The following FRMPD4 variants were observed in gnomAD, a reference collection of about 807,000 sequenced individuals.
FRMPD4 encodes FERM and PDZ domain-containing protein 4.
FRMPD4 carries 22 observed loss-of-function variants against 94.1 expected under a neutral mutation model. The observed-to-expected ratio is 0.23, with a 90% CI of 0.17 to 0.33. The LOEUF is 0.33. FRMPD4 is among the 10% of genes least tolerant of loss of function. The pLI is 1.00. For synonymous variants in FRMPD4, 631 were observed against 548.6 expected (o/e 1.15, Z -2.10); for missense variants, 1,111 against 1,339.9 (o/e 0.83, Z 2.67).
chrX:12,187,910 A>G (rs1409947419), intron 1 of FRMPD4, among the ~76,000 whole-genome samples: 4 of 112,010 alleles, frequency 3.6e-5, no homozygotes, highest in African/African-American at 1.3e-4. Context: ...CAGACTGCAA[A>G]CAGGCAAATG....
chrX:12,679,161 T>G (rs148192035), intron 5 of FRMPD4, among the ~76,000 whole-genome samples: 1,868 of 111,825 alleles, frequency 0.017, 43 homozygotes, highest in African/African-American at 0.057. Context: ...TGTGGGCTCT[T>G]CCTGGCCCCA....
At chrX:12,153,799 T>G (rs1400214391) in intron 1 of FRMPD4, among the ~76,000 whole-genome samples, 2 of 112,611 alleles carry the variant, frequency 1.8e-5, no homozygotes, top group Non-Finnish European at 3.8e-5. Flanking sequence ...TTCAGTCGGT[T>G]TCCTGTGTTT....
chrX:12,439,411 T>A (rs940238722), intron 1 of FRMPD4, among the ~76,000 whole-genome samples: 2 of 111,569 alleles, frequency 1.8e-5, no homozygotes, highest in Non-Finnish European at 3.8e-5. Context: ...TTTTCATTGT[T>A]CTTGACGCTT....
At chrX:12,181,388 T>A (rs1037292748) in intron 1 of FRMPD4, among the ~76,000 whole-genome samples, 1 of 112,348 alleles carries the variant, frequency 8.9e-6, no homozygotes, top group South Asian at 3.7e-4. Flanking sequence ...TGAAGGGTTT[T>A]AGAAAAAAGA....
At chrX:12,515,323 T>TA (rs1214740841) in intron 2 of FRMPD4, among the ~76,000 whole-genome samples, 1 of 111,098 alleles carries the variant, frequency 9.0e-6, no homozygotes, top group Non-Finnish European at 1.9e-5. Context: ...TTTCTAGCTT[T>TA]TCGATGTGCT....
rs1169959315 is a variant in FRMPD4 at position 12,663,484 on chromosome X, G to T, written c.423-11379G>T. ...CCCATTGCTTGTTTTTGTCCGGTTT[G>T]TCAGAGATCAGATGGTTGTAGATGT... On this transcript the variant is annotated intron_variant, in intron 4 of 16. Coordinates refer to ENST00000675598, the MANE Select transcript of FRMPD4 (RefSeq NM_001368397.1). 2.7e-5 allele frequency among the ~76,000 whole-genome samples: 3 copies of T among 112,105 alleles called. No homozygotes were observed. The Middle Eastern group carries it at 0.014, about 517-fold the overall frequency.
chrX:12,359,499 G>C (rs1194586165), intron 1 of FRMPD4, among the ~76,000 whole-genome samples: 1 of 96,201 alleles, frequency 1.0e-5, no homozygotes, highest in Non-Finnish European at 2.1e-5. Flanking sequence ...ATGGAGTCTT[G>C]CTCTGTTGCC....
chrX:12,382,530 G>GAGCATAGCATAGCATAGCAT (rs59601417), intron 1 of FRMPD4, among the ~76,000 whole-genome samples: 106 of 45,499 alleles, frequency 2.3e-3, no homozygotes, highest in African/African-American at 5.1e-3. Context: ...GCATAGCATA[G>GAGCATAGCATAGCATAGCAT]AGCATAGCAT....
At chrX:12,458,288 C>T (rs778933040) in intron 1 of FRMPD4, among the ~76,000 whole-genome samples, 1 of 111,882 alleles carries the variant, frequency 8.9e-6, no homozygotes, top group Admixed American at 9.5e-5. Flanking sequence ...CAGACTATTG[C>T]TGTAATAAAT....
intron 3 of FRMPD4, among the ~76,000 whole-genome samples, chrX:11,945,208 A>G (rs1469926915): frequency 8.9e-6 from 1 of 112,184 alleles, no homozygotes; most frequent in East Asian, 2.8e-4. Context: ...GTAAATTGAC[A>G]CTAGGGCATG....
intron 2 of FRMPD4, among the ~76,000 whole-genome samples, chrX:11,873,619 G>C (rs2053766547): frequency 9.1e-6 from 1 of 109,406 alleles, no homozygotes; most frequent in South Asian, 3.9e-4. Flanking sequence ...CTATATTCAT[G>C]AGTCAGAAGA....
intron 4 of FRMPD4, among the ~76,000 whole-genome samples, chrX:12,649,615 T>C (rs1318611782): frequency 1.8e-5 from 2 of 112,371 alleles, no homozygotes; most frequent in Non-Finnish European, 3.8e-5. Flanking sequence ...TTTTAATTTC[T>C]GGAGCCTGTG....
At chrX:12,063,834 T>C (rs762545972) in intron 3 of FRMPD4, among the ~76,000 whole-genome samples, 5 of 113,002 alleles carry the variant, frequency 4.4e-5, no homozygotes, top group Non-Finnish European at 9.4e-5. Context: ...TTTCATGTTA[T>C]CTGTATCTCC....
At chrX:12,681,313 A>G (rs1356722742) in intron 5 of FRMPD4, among the ~76,000 whole-genome samples, 2 of 112,466 alleles carry the variant, frequency 1.8e-5, no homozygotes, top group African/African-American at 6.5e-5. Context: ...AAAATGAAAT[A>G]TCAAAAGCAA....
intron 3 of FRMPD4, among the ~76,000 whole-genome samples, chrX:11,881,157 A>T (rs1569117453): frequency 8.9e-6 from 1 of 112,604 alleles, no homozygotes; most frequent in African/African-American, 3.2e-5. Flanking sequence ...AAATGCTGGC[A>T]AGGATGTGGA....
At chrX:12,304,462 T>A (rs909409185) in intron 1 of FRMPD4, among the ~76,000 whole-genome samples, 1 of 111,145 alleles carries the variant, frequency 9.0e-6, no homozygotes, top group Non-Finnish European at 1.9e-5. Context: ...GTCAGAAACG[T>A]CTACAGACAT....
intron 3 of FRMPD4, among the ~76,000 whole-genome samples, chrX:12,060,457 G>T (rs2054879345): frequency 9.2e-6 from 1 of 108,131 alleles, no homozygotes. Context: ...TTTTTTAATG[G>T]ACAAAGCTAT....
chrX:11,986,310 A>G (rs1053473889), intron 3 of FRMPD4, among the ~76,000 whole-genome samples: 1 of 112,525 alleles, frequency 8.9e-6, no homozygotes, highest in Non-Finnish European at 1.9e-5. Flanking sequence ...ATTAACCAAT[A>G]TGCTCCTGAA....
chrX:12,303,932 A>G (rs2054897006), intron 1 of FRMPD4, among the ~76,000 whole-genome samples: 1 of 111,937 alleles, frequency 8.9e-6, no homozygotes, highest in South Asian at 3.7e-4. Flanking sequence ...TATGTTCAAC[A>G]TAAGATGGAC....
Sources: gnomAD v4.1 joint callset for allele counts (sites outside exome capture counted in the v4.1 genomes callset) on GRCh38, gnomAD v4.1.1 for gene constraint, MANE v1.5 for transcripts, NCBI Gene and HGNC (gene_info 2026-07-23, HGNC 2026-07-21) for gene names.